The following HMCN2 variants were observed in gnomAD, a reference collection of about 807,000 sequenced individuals.
HMCN2 encodes hemicentin 2, also known as hemicentin-2.
HMCN2 carries 325 observed loss-of-function variants against 377.5 expected under a neutral mutation model. The observed-to-expected ratio is 0.86, with a 90% CI of 0.79 to 0.94. The LOEUF is 0.94. Among genes scored for constraint, HMCN2 ranks in the 40% least tolerant of loss-of-function variants. The pLI is 0.00. For missense variants in HMCN2, 4,543 were observed against 4,725.3 expected, an observed-to-expected ratio of 0.96 and a Z score of 1.13; for synonymous variants, 2,007 against 2,046.8, an observed-to-expected ratio of 0.98 and a Z score of 0.53.
At chr9:130,305,239 C>T (rs1376286530) in intron 11 of HMCN2, among the ~76,000 whole-genome samples, 4 of 152,164 alleles carry the variant, frequency 2.6e-5, no homozygotes, top group Admixed American at 2.0e-4. Flanking sequence ...TACTGCTGTA[C>T]GCCAAGCCAA....
rs1002936604 is a variant in HMCN2 at position 130,404,857 on chromosome 9, C to A, written c.12149-12C>A. ...GAGCCCCGGTTCCGAGTGGGCCTCC[C>A]TCTGCCCGCAGTCCCACCAGTGATC... is the stretch of plus-strand genomic sequence containing the variant. On this transcript the variant is annotated splice_polypyrimidine_tract_variant and intron_variant, in intron 80 of 97. Transcript: ENST00000683500. 8.1e-7 allele frequency: 1 copy of A among 1,230,290 alleles called. No homozygotes were observed. The highest frequency in any genetic ancestry group is 6.4e-5 in the East Asian group (1 of 15,716). The allele number at this position is 1,230,290 out of a possible 1,614,324, so 76.2% of individuals were successfully genotyped here. A position where few individuals can be genotyped will look rare whatever the true frequency, so the allele number is the denominator to read the frequency against.
At position 130,341,968 on chromosome 9, in the gene HMCN2, G is replaced by A. The variant is rs1220101802; in HGVS notation, c.3743-382G>A. ...AGGTGGGTGGATCGCTTGAGCCCAG[G>A]AGTTCGAGACCAGTCTGGCCAACAT... On this transcript the variant is annotated intron_variant, in intron 24 of 97. Transcript: ENST00000683500. Among the ~76,000 whole-genome samples the A allele has an allele frequency of 2.6e-5, 4 of 151,598 alleles. No homozygotes were observed. In the East Asian group the frequency reaches 7.8e-4, roughly 29 times the overall value.
At chr9:130,286,452 G>T in intron 4 of HMCN2, 142 bp downstream of exon 4, 1 of 383,406 alleles carries the variant, frequency 2.6e-6, no homozygotes. Context: ...AGCAGCACTG[G>T]GTGCACACCT....
At chr9:130,374,976 G>A (rs1259182824) in intron 49 of HMCN2, among the ~76,000 whole-genome samples, 1 of 152,208 alleles carries the variant, frequency 6.6e-6, no homozygotes, top group African/African-American at 2.4e-5. Flanking sequence ...GGTGACAAGA[G>A]TTATTGCCAG....
At position 130,430,569 on chromosome 9, in the gene HMCN2, C is replaced by T; in HGVS notation, c.14612C>T (p.Pro4871Leu). The stretch of plus-strand genomic sequence containing the variant: ...AGCAGTGTGGGCCGGGCCTGGTGCC[C>T]TCCTGGTTTCATCAGGCAGAACGGA... ...ALSSVGRAWC[P>L]PGFIRQNGVC... The change falls in exon 95 of 98, where the codon CCT (proline) becomes CTT (leucine). Residue 4871 changes from proline to leucine, a missense_variant. Transcript: ENST00000683500. 1 of 1,550,346 alleles carries T rather than the reference C, an allele frequency of 6.5e-7. No homozygotes were observed. The highest frequency in any genetic ancestry group is 8.7e-7 in the Non-Finnish European group (1 of 1,146,854).
intron 1 of HMCN2, among the ~76,000 whole-genome samples, chr9:130,271,430 A>G (rs931570822): frequency 1.3e-5 from 2 of 148,916 alleles, no homozygotes; most frequent in African/African-American, 4.9e-5. Context: ...ACTTGTCTAC[A>G]TCAGCATAGA....
At position 130,353,015 on chromosome 9, in the gene HMCN2, AG is replaced by A. The variant is rs1839815248; in HGVS notation, c.4675del (p.Val1559CysfsTer78). On this transcript the variant is annotated frameshift_variant, in exon 31 of 98. Transcript: ENST00000683500. LOFTEE classifies it high-confidence loss of function. ...LVQLLCEARGVPTPNITWFKD... is the reference protein window; with the variant it reads ...LVQLLCEARGXPTPNITWFKD... ...TGCAGCTCCTGTGTGAGGCTCGAGGAGTGCCCACCCCAAACATCACCTGGTT... is the reference window on the plus strand; with the variant it reads ...TGCAGCTCCTGTGTGAGGCTCGAGGATGCCCACCCCAAACATCACCTGGTT... 1 of 1,304,036 alleles carries A rather than the reference AG, an allele frequency of 7.7e-7. No homozygotes were observed. 80.8% of individuals were successfully genotyped at this position (1,304,036 alleles called of 1,614,324 possible). A position where few individuals can be genotyped will look rare whatever the true frequency, so the allele number is the denominator to read the frequency against.
intron 5 of HMCN2, 100 bp downstream of exon 5, chr9:130,295,126 A>G: frequency 3.2e-6 from 1 of 307,720 alleles, no homozygotes; most frequent in Non-Finnish European, 6.7e-6. Context: ...AGGGCTTCAG[A>G]CATGAGGCTC....
chr9:130,413,678 C>T (rs969669393), intron 85 of HMCN2, among the ~76,000 whole-genome samples: 10 of 151,986 alleles, frequency 6.6e-5, no homozygotes, highest in Admixed American at 3.3e-4. Flanking sequence ...TATCCTGGGC[C>T]GCATACTTGA....
chr9:130,296,590 C>G, intron 6 of HMCN2, 84 bp from the exon 7 acceptor site: 1 of 433,432 alleles, frequency 2.3e-6, no homozygotes, highest in South Asian at 1.7e-5. Flanking sequence ...TGATGCAGGG[C>G]TGGGTCAGGT....
In HMCN2 at chr9:130,386,609, G is replaced by A. The variant is rs940293068; in HGVS notation, c.9391+85G>A. 41 of 874,626 alleles carry A rather than the reference G, an allele frequency of 4.7e-5. No individual in the cohort carries two copies. The African/African-American group carries it at 6.5e-4, about 14-fold the overall frequency. 54.2% of individuals were successfully genotyped at this position (874,626 alleles called of 1,614,324 possible). On this transcript the variant is annotated intron_variant, in intron 61 of 97. Coordinates refer to ENST00000683500, the MANE Select transcript of HMCN2 (RefSeq NM_001291815.2). ...GCCAAGGAGGACAAAGACAATAGCT[G>A]GGCAGAGGCAGTGCTGCCAAGTGCT...
intron 23 of HMCN2, among the ~76,000 whole-genome samples, chr9:130,339,912 C>A (rs1838958224): frequency 6.6e-6 from 1 of 152,178 alleles, no homozygotes. Flanking sequence ...GTGTCCCATG[C>A]AGTGCCTGGA....
At chr9:130,305,223 A>C (rs1836786794) in intron 11 of HMCN2, among the ~76,000 whole-genome samples, 1 of 152,024 alleles carries the variant, frequency 6.6e-6, no homozygotes, top group African/African-American at 2.4e-5. Flanking sequence ...ATCTAACTTA[A>C]ATTTCTACTG....
intron 77 of HMCN2, among the ~76,000 whole-genome samples, chr9:130,401,569 C>T (rs1842856337): frequency 6.6e-6 from 1 of 152,152 alleles, no homozygotes; most frequent in Non-Finnish European, 1.5e-5. Flanking sequence ...GTGATCTGCC[C>T]TTCTCAGCCT....
rs775130704 is a variant in HMCN2 at position 130,396,260 on chromosome 9, AC to A, written c.11149del (p.Leu3717SerfsTer2). On this transcript the variant is annotated frameshift_variant, in exon 73 of 98. Coordinates refer to ENST00000683500, the MANE Select transcript of HMCN2 (RefSeq NM_001291815.2). LOFTEE classifies it high-confidence loss of function. ...LPCQADGVPA[P>X]LVSWRKDRVP... ...CTTGCCAGGCCGACGGCGTGCCCGC[AC>A]CCCTCGTGAGCTGGCGGAAGGACAG... is the stretch of plus-strand genomic sequence containing the variant. 7.8e-7 allele frequency: 1 copy of A among 1,285,830 alleles called. No individual in the cohort carries two copies. The highest frequency in any genetic ancestry group is 1.2e-5 in the South Asian group (1 of 80,928). 79.7% of individuals were successfully genotyped at this position (1,285,830 alleles called of 1,614,324 possible).
chr9:130,381,630 A>G (rs1841727520), intron 54 of HMCN2, among the ~76,000 whole-genome samples: 1 of 152,006 alleles, frequency 6.6e-6, no homozygotes, highest in South Asian at 2.1e-4. Context: ...TGGCCTCCCA[A>G]AGTGCTGGGA....
chr9:130,368,666 G>A (rs1717416944), intron 44 of HMCN2, among the ~76,000 whole-genome samples: 1 of 152,010 alleles, frequency 6.6e-6, no homozygotes, highest in Non-Finnish European at 1.5e-5. Context: ...CACATGGCTG[G>A]GGAGGCCTCA....
chr9:130,383,442 T>TGG, intron 56 of HMCN2, 62 bp from the exon 57 acceptor site: 3 of 752,354 alleles, frequency 4.0e-6, no homozygotes, highest in Non-Finnish European at 4.9e-6. Context: ...CAGTCATTCC[T>TGG]GGGGGTGGTG....
intron 4 of HMCN2, among the ~76,000 whole-genome samples, chr9:130,293,449 A>G (rs1835927281): frequency 6.6e-6 from 1 of 151,564 alleles, no homozygotes; most frequent in African/African-American, 2.4e-5. Context: ...CACAGGATGG[A>G]CGCTCTTTGA....
Sources: allele counts gnomAD v4.1 joint callset (sites outside exome capture counted in the v4.1 genomes callset), GRCh38; gene constraint gnomAD v4.1.1; transcripts MANE v1.5; gene names NCBI Gene and HGNC (gene_info 2026-07-23, HGNC 2026-07-21).